The following RGS3 variants were observed in gnomAD, a reference collection of about 807,000 sequenced individuals.
RGS3 encodes regulator of G-protein signalling 3.
RGS3 carries 80 observed loss-of-function variants against 132.6 expected under a neutral mutation model. The observed-to-expected ratio is 0.60, with a 90% CI of 0.50 to 0.73. The LOEUF is 0.73. Among genes scored for constraint, RGS3 ranks in the 30% least tolerant of loss-of-function variants. The pLI, the probability that RGS3 is intolerant of heterozygous loss-of-function variation, is 0.00. For synonymous variants in RGS3, 598 were observed against 620.6 expected (o/e 0.96, Z 0.54); for missense variants, 1,382 against 1,530.8 (o/e 0.90, Z 1.62).
At chr9:113,595,707 T>C in exon 24 of RGS3, 5 of 1,614,188 alleles carry the variant, frequency 3.1e-6, no homozygotes, top group Non-Finnish European at 4.2e-6. Context: ...CAGTCCAAGA[T>C]GGCATCCAAG....
At chr9:113,456,562 T>G (rs1829365973), upstream of RGS3, among the ~76,000 whole-genome samples, 1 of 152,200 alleles carries the variant, frequency 6.6e-6, no homozygotes, top group African/African-American at 2.4e-5. Flanking sequence ...ATTGTCATCT[T>G]TTACCTGGAT....
chr9:113,478,300 C>G (rs1296261402), intron 3 of RGS3, among the ~76,000 whole-genome samples: 1 of 151,856 alleles, frequency 6.6e-6, no homozygotes, highest in Non-Finnish European at 1.5e-5. Context: ...TCTTTCCTTT[C>G]TTTTTAATTA....
At chr9:113,560,687 C>T (rs1588251225) in intron 19 of RGS3, among the ~76,000 whole-genome samples, 1 of 152,330 alleles carries the variant, frequency 6.6e-6, no homozygotes, top group East Asian at 1.9e-4. Flanking sequence ...TGCATAGAGT[C>T]TCTAGACTCC....
upstream of RGS3, among the ~76,000 whole-genome samples, chr9:113,458,947 C>T (rs951661581): frequency 1.3e-5 from 2 of 152,278 alleles, no homozygotes; most frequent in Non-Finnish European, 2.9e-5. Flanking sequence ...ACATGGGTTT[C>T]ACCATATTGA....
chr9:113,585,969 A>G (rs1835096467), intron 20 of RGS3, among the ~76,000 whole-genome samples: 1 of 152,314 alleles, frequency 6.6e-6, no homozygotes, highest in Non-Finnish European at 1.5e-5. Flanking sequence ...TGGTTCTCAC[A>G]CTGTGGTGTG....
intron 19 of RGS3, among the ~76,000 whole-genome samples, chr9:113,556,269 T>C (rs925243587): frequency 3.3e-5 from 5 of 152,184 alleles, no homozygotes; most frequent in Non-Finnish European, 5.9e-5. Flanking sequence ...TTTTTCCTGG[T>C]CCTAACTAGG....
intron 19 of RGS3, chr9:113,564,811 A>C (rs972825334): frequency 9.0e-6 from 4 of 445,138 alleles, no homozygotes; most frequent in Non-Finnish European, 1.2e-5. Flanking sequence ...GCCACCCCCC[A>C]CCCTGGGGGC....
chr9:113,507,530 C>T lies in RGS3; in HGVS notation c.1329C>T (p.Thr443=), dbSNP rs146550810. Residue 443 remains threonine, a synonymous_variant, in exon 13 of 25, where the codon ACC becomes ACT. Coordinates refer to ENST00000350696, the Ensembl canonical transcript of RGS3. The surrounding 1 kb of genome is among the most constrained non-coding windows in gnomAD (Gnocchi z 5.0). The stretch of plus-strand genomic sequence containing the variant: ...TGCTCGGCGGCTGGGAGCGCTACAC[C>T]GAGGTGGCCAAGCGCGGGGGCCAGC... 2.1e-5 allele frequency: 33 copies of T among 1,604,434 alleles called. No homozygotes were observed. Among genetic ancestry groups the T allele is most frequent in the African/African-American group, 1.7e-4 (13 of 74,826 alleles).
intron 3 of RGS3, among the ~76,000 whole-genome samples, chr9:113,477,846 C>T (rs1038819362): frequency 1.3e-5 from 2 of 152,360 alleles, no homozygotes; most frequent in Middle Eastern, 3.4e-3. Context: ...AGGGTTGTCA[C>T]AGATGGAGCC....
intron 10 of RGS3, among the ~76,000 whole-genome samples, chr9:113,499,213 C>A (rs1440955316): frequency 3.9e-5 from 5 of 129,168 alleles, no homozygotes; most frequent in African/African-American, 1.5e-4. Context: ...GGCAAGAGAA[C>A]GAGATTCCAT....
intron 4 of RGS3, among the ~76,000 whole-genome samples, chr9:113,481,195 C>A (rs539764681): frequency 6.6e-6 from 1 of 152,338 alleles, no homozygotes; most frequent in Admixed American, 6.5e-5. Context: ...GAATCATCCC[C>A]CTGACCCACC....
At chr9:113,529,533 A>T (rs1832374732) in intron 18 of RGS3, among the ~76,000 whole-genome samples, 2 of 152,302 alleles carry the variant, frequency 1.3e-5, no homozygotes, top group South Asian at 2.1e-4. Context: ...GGACCTCCTG[A>T]ACTGCAGGAA....
At chr9:113,511,972 C>T (rs548533706) in intron 14 of RGS3, among the ~76,000 whole-genome samples, 15 of 152,228 alleles carry the variant, frequency 9.9e-5, no homozygotes, top group Admixed American at 2.6e-4. Flanking sequence ...TACTTGGAGG[C>T]TTAGGATTTG....
At chr9:113,529,837 A>G (rs1242215278) in intron 18 of RGS3, among the ~76,000 whole-genome samples, 1 of 152,240 alleles carries the variant, frequency 6.6e-6, no homozygotes. Flanking sequence ...CAGTCTGATC[A>G]GAAGCTTAGA....
intron 16 of RGS3, among the ~76,000 whole-genome samples, chr9:113,519,484 T>G (rs1257888601): frequency 2.1e-5 from 3 of 144,962 alleles, no homozygotes; most frequent in Non-Finnish European, 4.5e-5. Context: ...CATGTAGATC[T>G]GGGCATCCTG....
chr9:113,532,796 G>A (rs1330641233), intron 18 of RGS3, among the ~76,000 whole-genome samples: 1 of 152,178 alleles, frequency 6.6e-6, no homozygotes. Flanking sequence ...CCAGGATGGG[G>A]GGAGCTCTTT....
At chr9:113,508,164 TACAGCAGG>T (rs1831228209) in intron 13 of RGS3, among the ~76,000 whole-genome samples, 1 of 152,208 alleles carries the variant, frequency 6.6e-6, no homozygotes, top group Non-Finnish European at 1.5e-5. Flanking sequence ...CATCCTGTAC[TACAGCAGG>T]TGTCAACCAA....
intron 19 of RGS3, among the ~76,000 whole-genome samples, chr9:113,578,511 G>A (rs1834638282): frequency 6.6e-6 from 1 of 152,196 alleles, no homozygotes; most frequent in Non-Finnish European, 1.5e-5. Context: ...AACCTGCTGT[G>A]TTGGAGACAG....
intron 3 of RGS3, among the ~76,000 whole-genome samples, chr9:113,464,664 A>G (rs1829569397): frequency 6.6e-6 from 1 of 152,146 alleles, no homozygotes; most frequent in Non-Finnish European, 1.5e-5. Context: ...AAACCAAGAG[A>G]TCTTCCATGA....
Sources: allele counts gnomAD v4.1 joint callset (sites outside exome capture counted in the v4.1 genomes callset), GRCh38; gene constraint gnomAD v4.1.1; non-coding constraint Gnocchi (gnomAD v3.1); transcripts MANE v1.5; gene names NCBI Gene and HGNC (gene_info 2026-07-23, HGNC 2026-07-21).